Variants in TRAPPC8 observed in about 807,000 individuals in gnomAD.
TRAPPC8 encodes general sporulation gene 1 homolog.
TRAPPC8 carries 54 observed loss-of-function variants against 174.3 expected under a neutral mutation model. The observed-to-expected ratio is 0.31, with a 90% CI of 0.25 to 0.39. The LOEUF (loss-of-function observed/expected upper bound fraction) is 0.39, where lower values mean the gene tolerates loss of function less well. Ranked by LOEUF, TRAPPC8 falls within the 10% of genes least tolerant of loss-of-function variation. The pLI is 1.00. For missense variants in TRAPPC8, 1,531 were observed against 1,699.1 expected, an observed-to-expected ratio of 0.90 and a Z score of 1.74; for synonymous variants, 630 against 579.9, an observed-to-expected ratio of 1.09 and a Z score of -1.24.
At chr18:31,938,856 C>T (rs1040000199) in intron 1 of TRAPPC8, among the ~76,000 whole-genome samples, 2 of 152,006 alleles carry the variant, frequency 1.3e-5, no homozygotes, top group African/African-American at 4.8e-5. Flanking sequence ...CCAAGGCGGG[C>T]AGATCATGAG....
intron 11 of TRAPPC8, among the ~76,000 whole-genome samples, chr18:31,893,002 A>T (rs1359587047): frequency 6.7e-6 from 1 of 149,846 alleles, no homozygotes; most frequent in African/African-American, 2.4e-5. Context: ...TGGTGAACGA[A>T]TGACGCCTTG....
intron 17 of TRAPPC8, 60 bp downstream of exon 17, chr18:31,867,342 A>G (rs988811536): frequency 8.6e-6 from 10 of 1,163,082 alleles, no homozygotes; most frequent in African/African-American, 1.6e-5. Context: ...GATTATTTAA[A>G]AATTTGTTTT....
Position 31,874,580 on chromosome 18 carries a change from T to A in TRAPPC8, c.1853A>T (p.Asp618Val). Residue 618 changes from aspartate to valine, a missense_variant, in exon 13 of 29, where the codon GAT becomes GTT. Transcript: ENST00000283351. ...ATGCCTAAAAGCAGACACAGCATTA[T>A]CCAGCTGTCTAAGAGTATAGGACTG... The part of the protein sequence containing the change: ...GRQSYTLRQL[D>V]NAVSAFRHIL... 6.2e-7 allele frequency: 1 copy of A among 1,614,156 alleles called. No individual in the cohort carries two copies. Among genetic ancestry groups the A allele is most frequent in the South Asian group, 1.1e-5 (1 of 91,074 alleles).
chr18:31,913,235 TA>T, intron 5 of TRAPPC8, 133 bp downstream of exon 5: 1 of 927,568 alleles, frequency 1.1e-6, no homozygotes, highest in Non-Finnish European at 1.5e-6. Flanking sequence ...ACCACTGACC[TA>T]AGAGCTCACC....
At chr18:31,845,434 G>A (rs1020674661) in intron 26 of TRAPPC8, among the ~76,000 whole-genome samples, 7 of 151,136 alleles carry the variant, frequency 4.6e-5, no homozygotes, top group Non-Finnish European at 7.4e-5. Flanking sequence ...CTGCATCAAT[G>A]TTAAACTTCC....
intron 7 of TRAPPC8, 133 bp downstream of exon 7, chr18:31,908,621 G>A (rs904012146): frequency 2.0e-6 from 2 of 1,013,576 alleles, no homozygotes; most frequent in African/African-American, 3.3e-5. Context: ...ATCATTGATA[G>A]TAATTTTGGG....
In TRAPPC8 at chr18:31,878,102, G is replaced by A. The variant is rs547242288; in HGVS notation, c.1729-3398C>T. ...GAGCCCATTTTGGTGGCAGCTGCCC[G>A]TTTTGGTGGAAGTGTACTCTGGTCA... On this transcript the variant is annotated intron_variant, in intron 12 of 28. Transcript: ENST00000283351. Among the ~76,000 whole-genome samples, 21 of 152,208 alleles carry A rather than the reference G, an allele frequency of 1.4e-4. No individual in the cohort carries two copies. The South Asian group carries it at 2.1e-3, about 15-fold the overall frequency.
intron 19 of TRAPPC8, among the ~76,000 whole-genome samples, chr18:31,863,712 T>C (rs1051034971): frequency 4.6e-5 from 7 of 152,104 alleles, no homozygotes; most frequent in African/African-American, 7.2e-5. Flanking sequence ...CTAGAATAAC[T>C]TGAGGATGTG....
Position 31,863,891 on chromosome 18 carries a change from C to T in TRAPPC8, c.2745+736G>A, listed in dbSNP as rs552461217. On this transcript the variant is annotated intron_variant, in intron 19 of 28. Coordinates refer to ENST00000283351, the MANE Select transcript of TRAPPC8 (RefSeq NM_014939.5). ...GACTAGGGTTATATCAAAAGCAATG[C>T]TTTCTAGAGGCTTTAAAACATTTGC... is the stretch of plus-strand genomic sequence containing the variant. Among the ~76,000 whole-genome samples the T allele has an allele frequency of 3.9e-5, 6 of 151,972 alleles. No homozygotes were observed. In the East Asian group the frequency reaches 9.6e-4, roughly 24 times the overall value.
At chr18:31,941,113 T>A (rs1170559207) in intron 1 of TRAPPC8, among the ~76,000 whole-genome samples, 1 of 152,252 alleles carries the variant, frequency 6.6e-6, no homozygotes, top group East Asian at 1.9e-4. Flanking sequence ...AGAGTACACA[T>A]ATAAAAGTAA....
intron 19 of TRAPPC8, among the ~76,000 whole-genome samples, chr18:31,860,012 T>C (rs1156926453): frequency 1.5e-5 from 2 of 134,030 alleles, no homozygotes; most frequent in African/African-American, 5.8e-5. Flanking sequence ...CAAGACTCCG[T>C]CTCAAAAAAA....
intron 26 of TRAPPC8, among the ~76,000 whole-genome samples, chr18:31,839,723 A>G (rs1330769240): frequency 6.6e-6 from 1 of 152,190 alleles, no homozygotes; most frequent in African/African-American, 2.4e-5. Flanking sequence ...TAGCTCTGTT[A>G]TCTTGGATAA....
At chr18:31,879,533 A>T (rs1487973048) in intron 12 of TRAPPC8, among the ~76,000 whole-genome samples, 1 of 152,064 alleles carries the variant, frequency 6.6e-6, no homozygotes, top group Non-Finnish European at 1.5e-5. Context: ...ACAGATCTCA[A>T]ATTAATAATG....
Position 31,886,301 on chromosome 18 carries a change from G to A in TRAPPC8, c.1728+4434C>T, listed in dbSNP as rs149729141. ...TGGGATTACAGGTGTGAGCCAATAC[G>A]CCCAGCCTGTTTCCAAATTAATTTT... On this transcript the variant is annotated intron_variant, in intron 12 of 28. Transcript: ENST00000283351. Among the ~76,000 whole-genome samples, 450 of 132,708 alleles carry A rather than the reference G, an allele frequency of 3.4e-3. 2 individuals are homozygous for A. The highest frequency in any genetic ancestry group is 0.011 in the African/African-American group (394 of 34,936). The allele number at this position is 132,708 out of a possible 152,430, so 87.1% of individuals were successfully genotyped here.
rs749972515 is a variant in TRAPPC8 at position 31,880,081 on chromosome 18, G to GAAAAAA, written c.1729-5383_1729-5378dup. ...TGGTACCAATTTTACTGAAACTATTGAAAAAAAAAATATATATATATATAT... is the reference window on the plus strand; with the variant it reads ...TGGTACCAATTTTACTGAAACTATTGAAAAAAAAAAAAAAAATATATATATATATAT... On this transcript the variant is annotated intron_variant, in intron 12 of 28. Transcript: ENST00000283351. Among the ~76,000 whole-genome samples, 186 of 52,664 alleles carry GAAAAAA rather than the reference G, an allele frequency of 3.5e-3. 6 individuals carry two copies. The highest frequency in any genetic ancestry group is 0.014 in the African/African-American group (151 of 10,636). The allele number at this position is 52,664 out of a possible 152,430, so 34.5% of individuals were successfully genotyped here.
At chr18:31,840,477 A>AT (rs995892671) in intron 26 of TRAPPC8, among the ~76,000 whole-genome samples, 4 of 151,436 alleles carry the variant, frequency 2.6e-5, no homozygotes, top group Admixed American at 1.3e-4. Context: ...TTTCTTGGTT[A>AT]TTTTTTTTTC....
Position 31,857,912 on chromosome 18 carries a change from T to A in TRAPPC8, c.2816A>T (p.Asn939Ile). 6.2e-7 allele frequency: 1 copy of A among 1,614,188 alleles called. No individual in the cohort carries two copies. Among genetic ancestry groups the A allele is most frequent in the Non-Finnish European group, 8.5e-7 (1 of 1,180,018 alleles). Residue 939 changes from asparagine (N) to isoleucine (I), a missense_variant, in exon 20 of 29, where the codon AAT (asparagine) becomes ATT (isoleucine). Coordinates refer to ENST00000283351, the MANE Select transcript of TRAPPC8 (RefSeq NM_014939.5). Reference protein sequence around the residue: ...EIRKAYVEFVNVSKCPLTGLK... With the variant: ...EIRKAYVEFVIVSKCPLTGLK... ...TCCAGTAAGTGGACATTTGCTGACA[T>A]TGACAAATTCTACATATGCTTTTCG...
chr18:31,897,912 A>T (rs1475838283), intron 10 of TRAPPC8, 21 bp from the exon 11 acceptor site: 3 of 1,591,628 alleles, frequency 1.9e-6, no homozygotes, highest in Non-Finnish European at 2.6e-6. Flanking sequence ...AAGGACAAGA[A>T]GATAAAATAG....
intron 10 of TRAPPC8, among the ~76,000 whole-genome samples, chr18:31,898,695 G>A (rs940674274): frequency 6.6e-6 from 1 of 151,924 alleles, no homozygotes; most frequent in Admixed American, 6.6e-5. Context: ...TCCAATTTTA[G>A]TTTTTTTTGT....
Sources: gnomAD v4.1 joint callset for allele counts (sites outside exome capture counted in the v4.1 genomes callset) on GRCh38, gnomAD v4.1.1 for gene constraint, MANE v1.5 for transcripts, NCBI Gene and HGNC (gene_info 2026-07-23, HGNC 2026-07-21) for gene names.